Variants in LNPK observed in about 807,000 individuals in gnomAD.
LNPK encodes the protein endoplasmic reticulum junction formation protein lunapark.
Under a neutral mutation model 55.2 loss-of-function variants are expected in LNPK, and 29 were observed. The ratio of observed to expected loss-of-function variants is 0.53; its 90% CI spans 0.39 to 0.72. LNPK has a LOEUF of 0.72. Among genes scored for constraint, LNPK ranks in the 30% least tolerant of loss-of-function variants. The pLI is 0.00. For synonymous variants in LNPK, 162 were observed against 168.2 expected (o/e 0.96, Z 0.29); for missense variants, 467 against 494.8 (o/e 0.94, Z 0.53).
chr2:175,998,441 T>A (rs1299580634), intron 1 of LNPK, among the ~76,000 whole-genome samples: 2 of 97,940 alleles, frequency 2.0e-5, no homozygotes, highest in Non-Finnish European at 4.0e-5. Context: ...AGACTCCGTC[T>A]CACAAAAAAA....
rs140451504 is a variant in LNPK, at chr2:175,979,849, C to T, written c.277G>A (p.Val93Ile). ...CTCTTGGAAAAGAAGAAAATAATTA[C>T]TGTTCTTATGCTCCAGATGCTAAAA... ...FPLIIWSIRTVIIFFFSKRTE... is the reference protein window; with the variant it reads ...FPLIIWSIRTIIIFFFSKRTE... Residue 93 changes from valine (V) to isoleucine (I), a missense_variant, in exon 5 of 13, where the codon GTA becomes ATA. Transcript: ENST00000272748. 1,765 of 1,582,744 alleles carry T rather than the reference C, an allele frequency of 1.1e-3. 15 individuals carry two copies. Among genetic ancestry groups the T allele is most frequent in the Non-Finnish European group, 1.8e-4 (207 of 1,166,872 alleles).
At chr2:175,946,144 T>G (rs1685111727) in intron 9 of LNPK, among the ~76,000 whole-genome samples, 1 of 152,178 alleles carries the variant, frequency 6.6e-6, no homozygotes, top group South Asian at 2.1e-4. Flanking sequence ...ATCTAGGCTA[T>G]TATTCCTTCT....
At chr2:175,967,443 C>T (rs1410946784) in intron 6 of LNPK, among the ~76,000 whole-genome samples, 1 of 152,070 alleles carries the variant, frequency 6.6e-6, no homozygotes, top group Admixed American at 6.6e-5. Flanking sequence ...AAAGACAATT[C>T]TACAAATATT....
intron 8 of LNPK, among the ~76,000 whole-genome samples, chr2:175,950,493 G>C (rs1685343739): frequency 6.6e-6 from 1 of 152,050 alleles, no homozygotes; most frequent in South Asian, 2.1e-4. Flanking sequence ...TTGTATGCAA[G>C]TATGTAACCC....
At position 175,925,176 on chromosome 2, in the gene LNPK, T is replaced by C. The variant is rs949920489; in HGVS notation, c.*4791A>G. 9 of 152,190 alleles carry C rather than the reference T, an allele frequency of 5.9e-5. No homozygotes were observed. The highest frequency in any genetic ancestry group is 2.2e-4 in the African/African-American group (9 of 41,438). The allele number at this position is 152,190 out of a possible 1,614,324, so 9.4% of individuals were successfully genotyped here. On this transcript the variant is annotated 3_prime_UTR_variant, in exon 13 of 13. Coordinates refer to ENST00000272748, the MANE Select transcript of LNPK (RefSeq NM_030650.3). The stretch of plus-strand genomic sequence containing the variant: ...ACACGCACATCCACACCCAAAGCTA[T>C]ACCTCTTCTGATACAACTATGTTCT...
chr2:175,936,900 A>G (rs1295287431), intron 12 of LNPK, among the ~76,000 whole-genome samples: 1 of 152,216 alleles, frequency 6.6e-6, no homozygotes, highest in African/African-American at 2.4e-5. Context: ...TTATAATTCC[A>G]AAGTTTCCTG....
chr2:175,996,551 G>T (rs369712124), intron 1 of LNPK, among the ~76,000 whole-genome samples: 20 of 152,270 alleles, frequency 1.3e-4, no homozygotes, highest in South Asian at 6.2e-4. Flanking sequence ...ATAGTCTATA[G>T]TATTACCATC....
At chr2:175,983,111 T>C (rs1463981505) in intron 4 of LNPK, among the ~76,000 whole-genome samples, 2 of 152,150 alleles carry the variant, frequency 1.3e-5, no homozygotes, top group Non-Finnish European at 2.9e-5. Context: ...AAGGTAAACT[T>C]TTCCAAGTGT....
At chr2:175,975,417 T>A (rs1334006322) in intron 5 of LNPK, among the ~76,000 whole-genome samples, 1 of 152,222 alleles carries the variant, frequency 6.6e-6, no homozygotes, top group Non-Finnish European at 1.5e-5. Context: ...CATTTACTAC[T>A]TTTAACAGTC....
intron 5 of LNPK, among the ~76,000 whole-genome samples, chr2:175,975,974 C>T (rs951908007): frequency 6.6e-6 from 1 of 152,128 alleles, no homozygotes; most frequent in African/African-American, 2.4e-5. Flanking sequence ...GATCGTGCCA[C>T]TGCACTGCAG....
At chr2:175,945,643 T>C (rs1685089541) in intron 9 of LNPK, among the ~76,000 whole-genome samples, 1 of 152,150 alleles carries the variant, frequency 6.6e-6, no homozygotes, top group Non-Finnish European at 1.5e-5. Flanking sequence ...ATTTTCAACT[T>C]GAATAAGCAA....
At chr2:175,978,392 C>G (rs1687011511) in intron 5 of LNPK, among the ~76,000 whole-genome samples, 1 of 151,940 alleles carries the variant, frequency 6.6e-6, no homozygotes, top group Non-Finnish European at 1.5e-5. Context: ...GTAGGTAGCT[C>G]TCATCTGTTT....
In LNPK at chr2:175,992,289, G is replaced by A; in HGVS notation, c.199C>T (p.Pro67Ser). The change falls in exon 4 of 13, where the codon CCT becomes TCT. Residue 67 changes from proline (P) to serine (S), a missense_variant. Physicochemically the swap from Pro to Ser is moderately conservative, Grantham distance 74 (BLOSUM62 -1). Transcript: ENST00000272748. ...TCLIVYLWYL[P>S]DEFTARLAMT... Reference sequence around the variant, plus strand: ...GCAAGTCTTGCTGTAAATTCATCAGGAAGATACCACAAATATACAATTAAG... The same window carrying A: ...GCAAGTCTTGCTGTAAATTCATCAGAAAGATACCACAAATATACAATTAAG... 6.4e-7 allele frequency: 1 copy of A among 1,573,796 alleles called. No homozygotes were observed. The highest frequency in any genetic ancestry group is 1.2e-5 in the South Asian group (1 of 82,722).
At chr2:175,993,674 T>C (rs2105724403) in intron 2 of LNPK, among the ~76,000 whole-genome samples, 1 of 152,058 alleles carries the variant, frequency 6.6e-6, no homozygotes, top group Non-Finnish European at 1.5e-5. Flanking sequence ...GCGCTTGCAA[T>C]CCCAGCTACT....
chr2:175,951,605 A>ATATATC (rs1553501585), intron 8 of LNPK, among the ~76,000 whole-genome samples: 5 of 129,724 alleles, frequency 3.9e-5, no homozygotes, highest in African/African-American at 1.2e-4. Flanking sequence ...ATATATATAT[A>ATATATC]TATATCTCAG....
At position 175,986,348 on chromosome 2, in the gene LNPK, TAA is replaced by T. The variant is rs199870980; in HGVS notation, c.257+5881_257+5882del. ...ATACAATAAAACTAGAAATTTTAAC[TAA>T]GACAATAAATAAAAATATAAATATA... On this transcript the variant is annotated intron_variant, in intron 4 of 12. Transcript: ENST00000272748. Among the ~76,000 whole-genome samples the T allele has an allele frequency of 4.3e-4, 66 of 152,106 alleles. No homozygotes were observed. In the East Asian group the frequency reaches 0.011, roughly 25 times the overall value.
chr2:175,932,962 C>T (rs58836372), intron 12 of LNPK, among the ~76,000 whole-genome samples: 11,841 of 151,940 alleles, frequency 0.078, 938 homozygotes, highest in African/African-American at 0.21. Context: ...CCTTTATGGC[C>T]CAGTTTAAGA....
intron 9 of LNPK, chr2:175,940,943 C>A (rs1323040807): frequency 2.2e-6 from 1 of 454,002 alleles, no homozygotes; most frequent in Non-Finnish European, 4.4e-6. Flanking sequence ...TAAGACATAG[C>A]AATAGAAACC....
chr2:175,994,119 T>A (rs1014099422), intron 2 of LNPK: 23 of 935,522 alleles, frequency 2.5e-5, no homozygotes, highest in Non-Finnish European at 8.9e-6. Flanking sequence ...ATAAAACACT[T>A]GAAAAAATAT....
Sources: allele counts gnomAD v4.1 joint callset (sites outside exome capture counted in the v4.1 genomes callset), GRCh38; gene constraint gnomAD v4.1.1; transcripts MANE v1.5; gene names NCBI Gene and HGNC (gene_info 2026-07-23, HGNC 2026-07-21).